Variants in GNG2 observed in about 807,000 individuals in gnomAD.
The protein encoded by GNG2 is guanine nucleotide-binding protein G(I)/G(S)/G(O) subunit gamma-2.
GNG2 carries 5 observed loss-of-function variants against 5.5 expected under a neutral mutation model. The observed-to-expected ratio is 0.91, with a 90% CI of 0.48 to 1.92. The LOEUF is 1.92. Ranked by LOEUF, GNG2 falls within the 30% of genes most tolerant of loss-of-function variation. The pLI is 0.01. For missense variants in GNG2, 55 were observed against 88.4 expected, an observed-to-expected ratio of 0.62 and a Z score of 1.52; for synonymous variants, 28 against 32.0, an observed-to-expected ratio of 0.88 and a Z score of 0.42.
chr14:51,829,406 A>G (rs762115162), intron 2 of GNG2, among the ~76,000 whole-genome samples: 5 of 152,022 alleles, frequency 3.3e-5, no homozygotes, highest in Non-Finnish European at 5.9e-5. Context: ...CTCCCTCCTT[A>G]CCTAGCTCAG....
intron 2 of GNG2, among the ~76,000 whole-genome samples, chr14:51,900,604 T>G (rs1450971092): frequency 1.3e-5 from 2 of 150,378 alleles, no homozygotes; most frequent in Admixed American, 1.3e-4. Context: ...TCTTTCTGCC[T>G]TCTTTCTGAG....
At chr14:51,832,752 G>A (rs1594828146) in intron 2 of GNG2, among the ~76,000 whole-genome samples, 1 of 152,188 alleles carries the variant, frequency 6.6e-6, no homozygotes, top group African/African-American at 2.4e-5. Flanking sequence ...TCCATTATAA[G>A]GGCCTCACCC....
chr14:51,960,275 AATTTT>A (rs1488620250), intron 3 of GNG2, among the ~76,000 whole-genome samples: 1 of 151,726 alleles, frequency 6.6e-6, no homozygotes, highest in Non-Finnish European at 1.5e-5. Context: ...CTAATCTGCT[AATTTT>A]ATTCATTGTA....
At chr14:51,903,997 T>TGGTAATGCAA (rs1327451579) in intron 2 of GNG2, among the ~76,000 whole-genome samples, 4 of 152,128 alleles carry the variant, frequency 2.6e-5, no homozygotes, top group Non-Finnish European at 4.4e-5. Context: ...ATAGAAGGAA[T>TGGTAATGCAA]TTCTCAAAAG....
At chr14:51,886,130 A>G (rs955694486) in intron 2 of GNG2, among the ~76,000 whole-genome samples, 5 of 152,240 alleles carry the variant, frequency 3.3e-5, no homozygotes, top group African/African-American at 1.2e-4. Flanking sequence ...GAAGTGGAAT[A>G]CCATATGCAA....
intron 2 of GNG2, among the ~76,000 whole-genome samples, chr14:51,937,571 C>A (rs1888082388): frequency 1.3e-5 from 2 of 151,714 alleles, no homozygotes; most frequent in African/African-American, 4.8e-5. Context: ...AATCTCTATG[C>A]TTTTCAGTTT....
intron 3 of GNG2, chr14:51,951,939 TC>T: frequency 1.4e-6 from 1 of 700,030 alleles, no homozygotes; most frequent in Non-Finnish European, 2.6e-6. Flanking sequence ...ATCTGTGCGT[TC>T]CCAACACCCA....
intron 2 of GNG2, among the ~76,000 whole-genome samples, chr14:51,923,513 G>GTA (rs146924924): frequency 6.0e-5 from 9 of 149,882 alleles, no homozygotes; most frequent in South Asian, 2.1e-4. Flanking sequence ...GTGTGTATGT[G>GTA]TATATATATG....
chr14:51,848,762 G>A (rs181658678), intron 2 of GNG2, among the ~76,000 whole-genome samples: 1 of 152,304 alleles, frequency 6.6e-6, no homozygotes, highest in African/African-American at 2.4e-5. Context: ...GCTAGTGTTG[G>A]AGGAATGCAG....
chr14:51,912,066 G>A (rs1461594903), intron 2 of GNG2, among the ~76,000 whole-genome samples: 1 of 146,256 alleles, frequency 6.8e-6, no homozygotes, highest in East Asian at 2.2e-4. Context: ...TTCAAGATGA[G>A]GAAATGGAGG....
intron 2 of GNG2, among the ~76,000 whole-genome samples, chr14:51,907,746 C>T (rs961326241): frequency 7.2e-5 from 11 of 152,264 alleles, no homozygotes; most frequent in East Asian, 3.9e-4. Context: ...CCTATGATCC[C>T]GGTGATGTCC....
At chr14:51,870,682 T>C (rs1032762389) in intron 1 of GNG2, among the ~76,000 whole-genome samples, 1 of 152,236 alleles carries the variant, frequency 6.6e-6, no homozygotes, top group Non-Finnish European at 1.5e-5. Flanking sequence ...TTTCTGATTA[T>C]GAGTTATTTA....
intron 2 of GNG2, among the ~76,000 whole-genome samples, chr14:51,915,771 T>C (rs1886583455): frequency 6.6e-6 from 1 of 152,356 alleles, no homozygotes; most frequent in African/African-American, 2.4e-5. Flanking sequence ...ATACTTAGCC[T>C]GAATCACTTT....
At chr14:51,866,673 C>T (rs1882914536) in intron 1 of GNG2, among the ~76,000 whole-genome samples, 1 of 152,184 alleles carries the variant, frequency 6.6e-6, no homozygotes, top group African/African-American at 2.4e-5. Flanking sequence ...TGTGTGTCCC[C>T]ACATGACAGA....
At chr14:51,901,949 A>G (rs12889284) in intron 2 of GNG2, among the ~76,000 whole-genome samples, 5,387 of 143,090 alleles carry the variant, frequency 0.038, 196 homozygotes, top group African/African-American at 0.087. Flanking sequence ...AACTAAGATC[A>G]CAATAACAAT....
rs191582979 is a variant in GNG2 at position 51,924,389 on chromosome 14, T to C, written c.-29-26261T>C. On this transcript the variant is annotated intron_variant, in intron 2 of 3. Coordinates refer to ENST00000556766, the MANE Select transcript of GNG2 (RefSeq NM_053064.5). ...GTAGTACATCATCAGGCTTATTCAT[T>C]TGAGTTGAGATTAGTTAATAGAGAA... 3.2e-4 allele frequency among the ~76,000 whole-genome samples: 49 copies of C among 152,228 alleles called. 1 individual carries two copies. The highest frequency in any genetic ancestry group is 8.8e-5 in the Non-Finnish European group (6 of 67,980).
intron 2 of GNG2, among the ~76,000 whole-genome samples, chr14:51,934,055 C>A (rs1259334765): frequency 6.6e-6 from 1 of 152,140 alleles, no homozygotes; most frequent in African/African-American, 2.4e-5. Flanking sequence ...AGAGTTGGAT[C>A]CGACCAGGAT....
At chr14:51,877,678 T>C in intron 2 of GNG2, 21 bp downstream of exon 2, 1 of 453,058 alleles carries the variant, frequency 2.2e-6, no homozygotes, top group South Asian at 1.6e-5. Flanking sequence ...CAAAATATTT[T>C]CTTCTAGAAT....
intron 2 of GNG2, among the ~76,000 whole-genome samples, chr14:51,881,226 A>G (rs946780960): frequency 1.3e-5 from 2 of 152,208 alleles, no homozygotes; most frequent in East Asian, 3.9e-4. Context: ...CTTAGCTTTA[A>G]TCTTGCCTTT....
Sources: gnomAD v4.1 joint callset for allele counts (sites outside exome capture counted in the v4.1 genomes callset) on GRCh38, gnomAD v4.1.1 for gene constraint, MANE v1.5 for transcripts, NCBI Gene and HGNC (gene_info 2026-07-23, HGNC 2026-07-21) for gene names.